The following CLSTN3 variants were observed in gnomAD, a reference collection of about 807,000 sequenced individuals.
CLSTN3 encodes calsyntenin 3, also known as calsyntenin-3.
In CLSTN3, 36 loss-of-function variants were observed where a neutral mutation model predicts 95.9. The ratio of observed to expected loss-of-function variants is 0.38; its 90% CI spans 0.29 to 0.50. CLSTN3 has a LOEUF of 0.50. Among genes scored for constraint, CLSTN3 ranks in the 20% least tolerant of loss-of-function variants. CLSTN3 has a pLI of 0.95. For missense variants in CLSTN3, 1,084 were observed against 1,268.8 expected (o/e 0.85, Z 2.21); for synonymous variants, 481 against 504.0 (o/e 0.95, Z 0.61).
chr12:7,151,082 G>T lies in CLSTN3; in HGVS notation c.2527+19G>T. The T allele has an allele frequency of 6.4e-7, 1 of 1,552,708 alleles. No individual in the cohort carries two copies. Among genetic ancestry groups the T allele is most frequent in the Non-Finnish European group, 8.7e-7 (1 of 1,144,674 alleles). ...AACTCCAGTACGTAAGCCTGGTGGG[G>T]CTGGGCAGGGAGGGGCAGGTGGCAG... On this transcript the variant is annotated intron_variant, in intron 16 of 17. Transcript: ENST00000266546.
Position 7,157,836 on chromosome 12 carries a change from G to C in CLSTN3, c.2731-105G>C, listed in dbSNP as rs1383851285. The C allele has an allele frequency of 5.3e-6, 8 of 1,507,642 alleles. No individual in the cohort carries two copies. The African/African-American group carries it at 1.1e-4, about 21-fold the overall frequency. The allele number at this position is 1,507,642 out of a possible 1,614,324, so 93.4% of individuals were successfully genotyped here. A position where few individuals can be genotyped will look rare whatever the true frequency, so the allele number is the denominator to read the frequency against. On this transcript the variant is annotated intron_variant, in intron 17 of 17. Coordinates refer to ENST00000266546, the MANE Select transcript of CLSTN3 (RefSeq NM_014718.4). The surrounding 1 kb of genome is among the most constrained non-coding windows in gnomAD (Gnocchi z 5.9). ...GGGAGAGAGGTTCAGGCAGGGAAGG[G>C]GGTACACAGGGGTTAAGGGGACCGA...
chr12:7,152,053 C>T (rs1268517706), intron 16 of CLSTN3, among the ~76,000 whole-genome samples: 1 of 73,134 alleles, frequency 1.4e-5, no homozygotes. Flanking sequence ...GGCTCTGTCT[C>T]AAAGGAAAAA....
chr12:7,156,871 G>T, intron 16 of CLSTN3: 1 of 455,414 alleles, frequency 2.2e-6, no homozygotes, highest in South Asian at 1.6e-5. Context: ...AACCCCAGAC[G>T]TCCCGGAGCC....
intron 16 of CLSTN3, chr12:7,156,090 T>C: frequency 2.8e-6 from 1 of 358,480 alleles, no homozygotes; most frequent in South Asian, 2.1e-5. Flanking sequence ...GGCTTGCTTG[T>C]GTGACTGCTG....
chr12:7,138,038 C>G lies in CLSTN3; in HGVS notation c.1294C>G (p.Pro432Ala). ...LYWPLLESAR[P>A]VKFLWKLEQV... ...CTGGCCCCTGCTTGAGAGTGCCCGCCCAGTCAAGTTCCTCTGGAAGCTGGA... is the reference window on the plus strand; with the variant it reads ...CTGGCCCCTGCTTGAGAGTGCCCGCGCAGTCAAGTTCCTCTGGAAGCTGGA... Residue 432 changes from proline (P) to alanine (A), a missense_variant, in exon 8 of 18, where the codon CCA becomes GCA. By Grantham distance (27) the Pro-to-Ala change is conservative. Coordinates refer to ENST00000266546, the MANE Select transcript of CLSTN3 (RefSeq NM_014718.4). 6.2e-7 allele frequency: 1 copy of G among 1,613,874 alleles called. No individual in the cohort carries two copies. Among genetic ancestry groups the G allele is most frequent in the Non-Finnish European group, 8.5e-7 (1 of 1,179,924 alleles).
rs747896919 is a variant in CLSTN3, at chr12:7,149,411, C to G, written c.2075-112C>G. 1.5e-5 allele frequency: 16 copies of G among 1,069,230 alleles called. No individual in the cohort carries two copies. The highest frequency in any genetic ancestry group is 2.2e-5 in the Non-Finnish European group (16 of 726,264). 66.2% of individuals were successfully genotyped at this position (1,069,230 alleles called of 1,614,324 possible). A position where few individuals can be genotyped will look rare whatever the true frequency, so the allele number is the denominator to read the frequency against. On this transcript the variant is annotated intron_variant, in intron 13 of 17. Coordinates refer to ENST00000266546, the MANE Select transcript of CLSTN3 (RefSeq NM_014718.4). This position sits in a 1 kb window ranked among gnomAD's most constrained non-coding sequence, Gnocchi z 4.5. ...ATATTCTTGAAAATGATGCTGACTTCCCTCTCCCTGGCCCTGGAAAGGGAG... is the reference window on the plus strand; with the variant it reads ...ATATTCTTGAAAATGATGCTGACTTGCCTCTCCCTGGCCCTGGAAAGGGAG...
At position 7,149,327 on chromosome 12, in the gene CLSTN3, A is replaced by G; in HGVS notation, c.2074+129A>G. 1 of 959,024 alleles carries G rather than the reference A, an allele frequency of 1.0e-6. No homozygotes were observed. The highest frequency in any genetic ancestry group is 1.6e-5 in the South Asian group (1 of 61,822). The allele number at this position is 959,024 out of a possible 1,614,324, so 59.4% of individuals were successfully genotyped here. A position where few individuals can be genotyped will look rare whatever the true frequency, so the allele number is the denominator to read the frequency against. On this transcript the variant is annotated intron_variant, in intron 13 of 17. Coordinates refer to ENST00000266546, the MANE Select transcript of CLSTN3 (RefSeq NM_014718.4). This position sits in a 1 kb window ranked among gnomAD's most constrained non-coding sequence, Gnocchi z 4.5. Reference sequence around the variant, plus strand: ...CTGTGTTTGTTTGACTGAACAACTTACCTTTAAGAAGGAGAGCAAGTGGAA... The same window carrying G: ...CTGTGTTTGTTTGACTGAACAACTTGCCTTTAAGAAGGAGAGCAAGTGGAA...
intron 16 of CLSTN3, among the ~76,000 whole-genome samples, chr12:7,155,602 G>A (rs889663686): frequency 3.9e-5 from 6 of 152,252 alleles, no homozygotes; most frequent in Non-Finnish European, 5.9e-5. Context: ...TTGACGTGGA[G>A]ACCTGAGAGA....
intron 10 of CLSTN3, 152 bp downstream of exon 10, chr12:7,142,291 T>G: frequency 3.1e-6 from 2 of 654,782 alleles, no homozygotes; most frequent in South Asian, 4.0e-5. Context: ...GGGCAGGGGC[T>G]CCTGGAGTGG....
At chr12:7,151,591 A>T (rs1939724591) in intron 16 of CLSTN3, among the ~76,000 whole-genome samples, 1 of 152,228 alleles carries the variant, frequency 6.6e-6, no homozygotes, top group African/African-American at 2.4e-5. Flanking sequence ...CAAATATGCA[A>T]AGCGTTACAT....
chr12:7,136,182 A>C, intron 5 of CLSTN3, 24 bp from the exon 6 acceptor site: 1 of 1,608,100 alleles, frequency 6.2e-7, no homozygotes, highest in Non-Finnish European at 8.5e-7. Flanking sequence ...TCTCCCCATC[A>C]CCCTCTCTGT....
intron 1 of CLSTN3, chr12:7,131,744 C>CGCCTCCCA: frequency 2.2e-6 from 1 of 455,156 alleles, no homozygotes; most frequent in Admixed American, 2.4e-5. Context: ...ACCTCAGCCT[C>CGCCTCCCA]GCCTCCTAGC....
At chr12:7,145,742 T>C (rs1939613416) in intron 12 of CLSTN3, among the ~76,000 whole-genome samples, 1 of 152,172 alleles carries the variant, frequency 6.6e-6, no homozygotes. Context: ...AAAGAGCTAA[T>C]GCTGAAATAA....
Position 7,133,845 on chromosome 12 carries a change from G to C in CLSTN3, c.383+77G>C, listed in dbSNP as rs936867258. 5.6e-6 allele frequency: 7 copies of C among 1,252,964 alleles called. No individual in the cohort carries two copies. The East Asian group carries it at 1.2e-4, about 22-fold the overall frequency. 77.6% of individuals were successfully genotyped at this position (1,252,964 alleles called of 1,614,324 possible). A position where few individuals can be genotyped will look rare whatever the true frequency, so the allele number is the denominator to read the frequency against. Reference sequence around the variant, plus strand: ...CTCCCAAGCCCACCATCCTCTGTCCGTGCGGTCATCGAATATCCACCCCCA... The same window carrying C: ...CTCCCAAGCCCACCATCCTCTGTCCCTGCGGTCATCGAATATCCACCCCCA... On this transcript the variant is annotated intron_variant, in intron 3 of 17. Transcript: ENST00000266546. This position sits in a 1 kb window ranked among gnomAD's most constrained non-coding sequence, Gnocchi z 4.7.
rs1383794689 is a variant in CLSTN3, at chr12:7,135,448, A to T, written c.505A>T (p.Ile169Phe). The change falls in exon 4 of 18, where the codon ATT (isoleucine) becomes TTT (phenylalanine). Residue 169 changes from isoleucine to phenylalanine, a missense_variant. Physicochemically the swap from Ile to Phe is conservative, Grantham distance 21. Coordinates refer to ENST00000266546, the MANE Select transcript of CLSTN3 (RefSeq NM_014718.4). The stretch of plus-strand genomic sequence containing the variant: ...CGATCGCATCCTGCGGGTGGAAGCC[A>T]TTGACGGTGACTGCTCCCCCCAGTA... ...LYDRILRVEA[I>F]DGDCSPQYSQ... 4 of 1,613,982 alleles carry T rather than the reference A, an allele frequency of 2.5e-6. No individual in the cohort carries two copies. The highest frequency in any genetic ancestry group is 3.4e-6 in the Non-Finnish European group (4 of 1,180,008).
At chr12:7,146,591 C>T (rs987443139) in intron 12 of CLSTN3, among the ~76,000 whole-genome samples, 4 of 152,162 alleles carry the variant, frequency 2.6e-5, no homozygotes, top group African/African-American at 7.2e-5. Context: ...ATCGTTCCTA[C>T]CTTCCTTTTC....
In CLSTN3 at chr12:7,158,024, C is replaced by G. The variant is rs142864552; in HGVS notation, c.2814C>G (p.Ala938=). 11 of 1,550,590 alleles carry G rather than the reference C, an allele frequency of 7.1e-6. No individual in the cohort carries two copies. In the Admixed American group the frequency reaches 2.0e-4, roughly 28 times the overall value. ...AGGACAGCAGTGACTCGGAGGTGGCCGATTCCCCCAGCAGCGACGAGAGAC... is the reference window on the plus strand; with the variant it reads ...AGGACAGCAGTGACTCGGAGGTGGCGGATTCCCCCAGCAGCGACGAGAGAC... ...EDEDSSDSEV[A]DSPSSDERRI... Residue 938 remains alanine, a synonymous_variant, in exon 18 of 18, where the codon GCC becomes GCG. Coordinates refer to ENST00000266546, the MANE Select transcript of CLSTN3 (RefSeq NM_014718.4).
chr12:7,135,745 C>T, intron 4 of CLSTN3, 59 bp from the exon 5 acceptor site: 1 of 1,542,168 alleles, frequency 6.5e-7, no homozygotes, highest in Non-Finnish European at 8.8e-7. Flanking sequence ...ACATCCTCCC[C>T]TCCCTGCCCT....
chr12:7,142,842 C>T (rs751949236), intron 10 of CLSTN3, 27 bp from the exon 11 acceptor site: 11 of 1,611,038 alleles, frequency 6.8e-6, no homozygotes, highest in Middle Eastern at 1.6e-4. Flanking sequence ...TCTCACCTCC[C>T]GTCCTGCTCC....
Sources: gnomAD v4.1 joint callset for allele counts (sites outside exome capture counted in the v4.1 genomes callset) on GRCh38, gnomAD v4.1.1 for gene constraint, Gnocchi (gnomAD v3.1) non-coding constraint, MANE v1.5 for transcripts, NCBI Gene and HGNC (gene_info 2026-07-23, HGNC 2026-07-21) for gene names.